Variants in PSPC1 observed in about 807,000 individuals in gnomAD.
The protein encoded by PSPC1 is paraspeckle protein 1.
In PSPC1, 14 loss-of-function variants were observed where a neutral mutation model predicts 51.6. The observed-to-expected ratio is 0.27, with a 90% CI of 0.18 to 0.42. PSPC1 has a LOEUF of 0.42. Among genes scored for constraint, PSPC1 ranks in the 10% least tolerant of loss-of-function variants. The pLI, the probability that PSPC1 is intolerant of heterozygous loss-of-function variation, is 1.00. For synonymous variants in PSPC1, 193 were observed against 231.9 expected (o/e 0.83, Z 1.53); for missense variants, 406 against 701.1 (o/e 0.58, Z 4.75).
At chr13:19,752,130 T>C (rs1470904756) in intron 3 of PSPC1, among the ~76,000 whole-genome samples, 3 of 152,178 alleles carry the variant, frequency 2.0e-5, no homozygotes, top group Admixed American at 1.3e-4. Flanking sequence ...ATCAGATGTT[T>C]TTCTAGTAAA....
At chr13:19,742,921 AC>A (rs1885581609) in intron 4 of PSPC1, among the ~76,000 whole-genome samples, 1 of 534 alleles carries the variant, frequency 1.9e-3, no homozygotes, top group African/African-American at 2.3e-3. Flanking sequence ...CCAATGTCTT[AC>A]GAAGAAGAGT....
chr13:19,726,033 C>T (rs573760445), intron 6 of PSPC1, among the ~76,000 whole-genome samples: 2 of 152,158 alleles, frequency 1.3e-5, no homozygotes, highest in South Asian at 4.2e-4. Context: ...AGCATGCCTA[C>T]TCTCCCAGCT....
chr13:19,727,532 C>T (rs1300721490), intron 6 of PSPC1, among the ~76,000 whole-genome samples: 7 of 152,242 alleles, frequency 4.6e-5, no homozygotes, highest in East Asian at 1.9e-4. Flanking sequence ...ATAAGATGGA[C>T]GTTTGGATAT....
At chr13:19,740,252 A>G (rs1289532830) in intron 5 of PSPC1, among the ~76,000 whole-genome samples, 1 of 151,970 alleles carries the variant, frequency 6.6e-6, no homozygotes, top group Non-Finnish European at 1.5e-5. Flanking sequence ...CTGAGGCAGG[A>G]GAATGGCTTG....
At chr13:19,671,229 C>T, downstream of PSPC1, 5 of 1,613,868 alleles carry the variant, frequency 3.1e-6, no homozygotes, top group Admixed American at 1.7e-5. Flanking sequence ...TTTACTCATT[C>T]AGCCCTGTTG....
chr13:19,765,938 T>C (rs1888027842), intron 2 of PSPC1, among the ~76,000 whole-genome samples: 1 of 152,180 alleles, frequency 6.6e-6, no homozygotes, highest in Non-Finnish European at 1.5e-5. Context: ...AAAAGTAATC[T>C]CATTTAATGG....
chr13:19,714,279 C>G (rs116498714), intron 6 of PSPC1, among the ~76,000 whole-genome samples: 1,585 of 152,206 alleles, frequency 0.01, 25 homozygotes, highest in African/African-American at 0.036. Flanking sequence ...ATAAGAGACA[C>G]TATAATTATT....
chr13:19,676,115 C>A (rs1453289807), intron 7 of PSPC1, among the ~76,000 whole-genome samples: 4 of 152,274 alleles, frequency 2.6e-5, no homozygotes, highest in African/African-American at 9.6e-5. Context: ...CCACAGAATG[C>A]CACAGGCTTG....
intron 2 of PSPC1, among the ~76,000 whole-genome samples, chr13:19,771,756 G>T (rs561837877): frequency 2.0e-5 from 3 of 152,102 alleles, no homozygotes; most frequent in African/African-American, 7.2e-5. Context: ...CAGTAGCTGG[G>T]ACTACAGGCA....
At chr13:19,671,371 C>T, downstream of PSPC1, 1 of 1,305,206 alleles carries the variant, frequency 7.7e-7, no homozygotes, top group Non-Finnish European at 1.1e-6. Flanking sequence ...AAAAAAATTC[C>T]AAGAATCCTG....
chr13:19,732,666 G>A (rs150040412), intron 5 of PSPC1, among the ~76,000 whole-genome samples: 1,730 of 152,212 alleles, frequency 0.011, 33 homozygotes, highest in African/African-American at 0.038. Context: ...GGTGGCTCAC[G>A]CCTGTAATCC....
At chr13:19,718,825 T>C (rs1451178678) in intron 6 of PSPC1, among the ~76,000 whole-genome samples, 3 of 152,206 alleles carry the variant, frequency 2.0e-5, no homozygotes, top group Non-Finnish European at 4.4e-5. Flanking sequence ...TGAAAAGACA[T>C]AGAGGAAATT....
intron 4 of PSPC1, among the ~76,000 whole-genome samples, chr13:19,744,915 T>A (rs1885807366): frequency 6.6e-6 from 1 of 152,214 alleles, no homozygotes; most frequent in Non-Finnish European, 1.5e-5. Flanking sequence ...CAGGAATTTT[T>A]CTTAATAAAA....
chr13:19,699,611 T>C (rs939025097), downstream of PSPC1, among the ~76,000 whole-genome samples: 5 of 152,174 alleles, frequency 3.3e-5, no homozygotes, highest in Admixed American at 1.3e-4. Flanking sequence ...GAAATGAATC[T>C]TCATCAGTAT....
At chr13:19,697,398 T>A (rs946779088) in intron 6 of PSPC1, among the ~76,000 whole-genome samples, 3 of 152,194 alleles carry the variant, frequency 2.0e-5, no homozygotes, top group Non-Finnish European at 4.4e-5. Context: ...CTGTTGTATC[T>A]TAAGCCCTAG....
chr13:19,778,273 TAGA>T (rs926931935), intron 1 of PSPC1, among the ~76,000 whole-genome samples: 11 of 145,748 alleles, frequency 7.5e-5, no homozygotes, highest in South Asian at 2.2e-4. Context: ...TTAAAGGTTT[TAGA>T]AGATTAATTT....
chr13:19,732,033 CTTGT>C (rs1173312448), intron 5 of PSPC1, among the ~76,000 whole-genome samples: 1 of 152,130 alleles, frequency 6.6e-6, no homozygotes, highest in African/African-American at 2.4e-5. Flanking sequence ...ATACCTTGTT[CTTGT>C]TTGTTGCACA....
chr13:19,782,874 C>T lies in PSPC1; in HGVS notation c.-117G>A, dbSNP rs1377610782. Reference sequence around the variant, plus strand: ...CAACAAAATATCGACAATCAAGAGACCGCTAGGTAGGCGAGTCGGCAACCC... The same window carrying T: ...CAACAAAATATCGACAATCAAGAGATCGCTAGGTAGGCGAGTCGGCAACCC... On this transcript the variant is annotated 5_prime_UTR_variant, in exon 1 of 9. Coordinates refer to ENST00000338910, the MANE Select transcript of PSPC1 (RefSeq NM_001354909.2). The surrounding 1 kb of genome is among the most constrained non-coding windows in gnomAD (Gnocchi z 4.5). The T allele has an allele frequency of 8.1e-7, 1 of 1,232,634 alleles. No homozygotes were observed. Among genetic ancestry groups the T allele is most frequent in the Non-Finnish European group, 1.1e-6 (1 of 952,288 alleles). 76.4% of individuals were successfully genotyped at this position (1,232,634 alleles called of 1,614,324 possible). A position where few individuals can be genotyped will look rare whatever the true frequency, so the allele number is the denominator to read the frequency against.
At chr13:19,773,513 C>T (rs1888811454) in intron 1 of PSPC1, among the ~76,000 whole-genome samples, 4 of 152,130 alleles carry the variant, frequency 2.6e-5, no homozygotes, top group African/African-American at 7.2e-5. Context: ...GCTGGGATTA[C>T]AGGCGTGAGC....
Sources: allele counts gnomAD v4.1 joint callset (sites outside exome capture counted in the v4.1 genomes callset), GRCh38; gene constraint gnomAD v4.1.1; non-coding constraint Gnocchi (gnomAD v3.1); transcripts MANE v1.5; gene names NCBI Gene and HGNC (gene_info 2026-07-23, HGNC 2026-07-21).